Variants in TFAP2C observed in about 807,000 individuals in gnomAD.
TFAP2C encodes the protein activating enhancer-binding protein 2 gamma.
TFAP2C carries 9 observed loss-of-function variants against 42.9 expected under a neutral mutation model. That is an observed-to-expected ratio of 0.21 (90% CI 0.13 to 0.37). The LOEUF (loss-of-function observed/expected upper bound fraction) is 0.37, where lower values mean the gene tolerates loss of function less well. TFAP2C is among the 10% of genes least tolerant of loss of function. The pLI is 1.00. For synonymous variants in TFAP2C, 264 were observed against 256.0 expected (o/e 1.03, Z -0.30); for missense variants, 462 against 591.7 (o/e 0.78, Z 2.27).
intron 5 of TFAP2C, among the ~76,000 whole-genome samples, chr20:56,634,867 G>A (rs1429844458): frequency 6.6e-6 from 1 of 152,184 alleles, no homozygotes. Context: ...TTTCTTGAAT[G>A]GGGGGCCCCT....
Position 56,631,650 on chromosome 20 carries a change from TG to T in TFAP2C, c.498del (p.Leu167SerfsTer34). 1 of 1,583,348 alleles carries T rather than the reference TG, an allele frequency of 6.3e-7. No homozygotes were observed. ...ALDAAGLAEN[L>X]GLHDMPHQMD... is the part of the protein sequence containing the mutation. ...GATGCCGCGGGCCTGGCCGAGAACC[TG>T]GGGCTCCACGACATGCCTCACCAGA... On this transcript the variant is annotated frameshift_variant, in exon 2 of 7. Coordinates refer to ENST00000201031, the MANE Select transcript of TFAP2C (RefSeq NM_003222.4). LOFTEE classifies it high-confidence loss of function. The surrounding 1 kb of genome is among the most constrained non-coding windows in gnomAD (Gnocchi z 6.1).
chr20:56,631,796 C>T lies in TFAP2C; in HGVS notation c.535-9C>T. The T allele has an allele frequency of 6.2e-7, 1 of 1,614,186 alleles. No individual in the cohort carries two copies. The highest frequency in any genetic ancestry group is 2.2e-5 in the East Asian group (1 of 44,880). The stretch of plus-strand genomic sequence containing the variant: ...CGAACTTAAGGGAATTTTGTCCTCT[C>T]TCCCCCAGAATGTCGACGACCAGCA... On this transcript the variant is annotated splice_polypyrimidine_tract_variant and intron_variant, in intron 2 of 6. Transcript: ENST00000201031. This position sits in a 1 kb window ranked among gnomAD's most constrained non-coding sequence, Gnocchi z 6.1.
chr20:56,635,410 A>AG (rs1174744492), intron 5 of TFAP2C, among the ~76,000 whole-genome samples: 2 of 152,138 alleles, frequency 1.3e-5, no homozygotes, highest in Non-Finnish European at 2.9e-5. Flanking sequence ...CTTGGGTGGG[A>AG]GAAACTCTCT....
Position 56,631,741 on chromosome 20 carries a change from G to A in TFAP2C, c.534+51G>A. ...GGACCTGTTCACCCTACGGCCTTCT[G>A]CCCCCACCCCGCACTCCTCTAGGCT... On this transcript the variant is annotated intron_variant, in intron 2 of 6. Transcript: ENST00000201031. The surrounding 1 kb of genome is among the most constrained non-coding windows in gnomAD (Gnocchi z 6.1). The A allele has an allele frequency of 6.2e-7, 1 of 1,612,346 alleles. No individual in the cohort carries two copies. Among genetic ancestry groups the A allele is most frequent in the Non-Finnish European group, 8.5e-7 (1 of 1,179,522 alleles).
rs1480362382 is a variant in TFAP2C at position 56,630,302 on chromosome 20, C to T, written c.48+710C>T. 2 of 384,438 alleles carry T rather than the reference C, an allele frequency of 5.2e-6. No individual in the cohort carries two copies. Among genetic ancestry groups the T allele is most frequent in the African/African-American group, 2.2e-5 (1 of 46,208 alleles). 23.8% of individuals were successfully genotyped at this position (384,438 alleles called of 1,614,324 possible). On this transcript the variant is annotated intron_variant, in intron 1 of 6. Transcript: ENST00000201031. The surrounding 1 kb of genome is among the most constrained non-coding windows in gnomAD (Gnocchi z 5.1). ...CGCGGGAGTTCACTGCGCCTCCGGGCCCTGGAGGGCTGCCCCTGCCCGCAG... is the reference window on the plus strand; with the variant it reads ...CGCGGGAGTTCACTGCGCCTCCGGGTCCTGGAGGGCTGCCCCTGCCCGCAG...
Position 56,630,278 on chromosome 20 carries a change from G to A in TFAP2C, c.48+686G>A, listed in dbSNP as rs1987461869. ...AGCGCGGAGCTCGGGCTACGGACTCGCGGGAGTTCACTGCGCCTCCGGGCC... is the reference window on the plus strand; with the variant it reads ...AGCGCGGAGCTCGGGCTACGGACTCACGGGAGTTCACTGCGCCTCCGGGCC... On this transcript the variant is annotated intron_variant, in intron 1 of 6. Transcript: ENST00000201031. This position sits in a 1 kb window ranked among gnomAD's most constrained non-coding sequence, Gnocchi z 5.1. 8.8e-6 allele frequency: 3 copies of A among 341,908 alleles called. No homozygotes were observed. Among genetic ancestry groups the A allele is most frequent in the African/African-American group, 6.6e-5 (3 of 45,322 alleles). The allele number at this position is 341,908 out of a possible 1,614,324, so 21.2% of individuals were successfully genotyped here. A position where few individuals can be genotyped will look rare whatever the true frequency, so the allele number is the denominator to read the frequency against.
rs1025236204 is a variant in TFAP2C, at chr20:56,636,748, C to T, written c.1061C>T (p.Ala354Val). Reference sequence around the variant, plus strand: ...GCAGCTAGGAAGAACATGCTATTGGCGGCCCAGTAAGTATCTGAACTTGAA... The same window carrying T: ...GCAGCTAGGAAGAACATGCTATTGGTGGCCCAGTAAGTATCTGAACTTGAA... ...EMAARKNMLL[A>V]AQQLCKEFTE... The change falls in exon 6 of 7, where the codon GCG (alanine) becomes GTG (valine). Residue 354 changes from alanine to valine, a missense_variant. This residue lies in a region of TFAP2C where 130 missense variants were observed against 160.8 expected (regional missense o/e 0.81). Transcript: ENST00000201031. 41 of 1,612,026 alleles carry T rather than the reference C, an allele frequency of 2.5e-5. No homozygotes were observed. The highest frequency in any genetic ancestry group is 1.9e-4 in the African/African-American group (14 of 74,816).
At position 56,633,473 on chromosome 20, in the gene TFAP2C, C is replaced by A; in HGVS notation, c.707C>A (p.Ser236Tyr). ...CCTGGAAGATTGTCGCTCCTCAGCTCTACGTCTAAATACAAAGTGACAGTG... is the reference window on the plus strand; with the variant it reads ...CCTGGAAGATTGTCGCTCCTCAGCTATACGTCTAAATACAAAGTGACAGTG... The part of the protein sequence containing the change: ...SVPGRLSLLS[S>Y]TSKYKVTVAE... Residue 236 changes from serine (S) to tyrosine (Y), a missense_variant, in exon 4 of 7, where the codon TCT (serine) becomes TAT (tyrosine). By Grantham distance (144) the Ser-to-Tyr change is moderately radical. Transcript: ENST00000201031. 6.2e-7 allele frequency: 1 copy of A among 1,614,120 alleles called. No homozygotes were observed. The highest frequency in any genetic ancestry group is 8.5e-7 in the Non-Finnish European group (1 of 1,180,012).
rs1330413854 is a variant in TFAP2C, at chr20:56,630,760, C to T, written c.49-445C>T. The T allele has an allele frequency of 1.0e-6, 1 of 985,356 alleles. No individual in the cohort carries two copies. Among genetic ancestry groups the T allele is most frequent in the Non-Finnish European group, 1.2e-6 (1 of 829,908 alleles). 61.0% of individuals were successfully genotyped at this position (985,356 alleles called of 1,614,324 possible). A position where few individuals can be genotyped will look rare whatever the true frequency, so the allele number is the denominator to read the frequency against. On this transcript the variant is annotated intron_variant, in intron 1 of 6. Transcript: ENST00000201031. This position sits in a 1 kb window ranked among gnomAD's most constrained non-coding sequence, Gnocchi z 5.1. ...GCGCCGCGCACTCTATCCGCGCCTG[C>T]CGCGCTGCCACCTCCAGCAGTCCCT...
In TFAP2C at chr20:56,637,759, A is replaced by G. The variant is rs200833204; in HGVS notation, c.1099A>G (p.Ser367Gly). 1 of 1,614,240 alleles carries G rather than the reference A, an allele frequency of 6.2e-7. No individual in the cohort carries two copies. The highest frequency in any genetic ancestry group is 2.2e-5 in the East Asian group (1 of 44,878). ...GTGTAAAGAATTCACAGAACTTCTC[A>G]GCCAAGACCGGACACCCCATGGGAC... ...QLCKEFTELL[S>G]QDRTPHGTSR... is the part of the protein sequence containing the mutation. Residue 367 changes from serine to glycine, a missense_variant, in exon 7 of 7, where the codon AGC (serine) becomes GGC (glycine). Physicochemically the swap from Ser to Gly is moderately conservative, Grantham distance 56 (BLOSUM62 0). Coordinates refer to ENST00000201031, the MANE Select transcript of TFAP2C (RefSeq NM_003222.4).
At position 56,633,550 on chromosome 20, in the gene TFAP2C, C is replaced by G; in HGVS notation, c.784C>G (p.Leu262Val). The G allele has an allele frequency of 6.2e-7, 1 of 1,614,080 alleles. No homozygotes were observed. The highest frequency in any genetic ancestry group is 8.5e-7 in the Non-Finnish European group (1 of 1,179,950). Residue 262 changes from leucine (L) to valine (V), a missense_variant, in exon 4 of 7, where the codon CTG (leucine) becomes GTG (valine). Physicochemically the swap from Leu to Val is conservative, Grantham distance 32 (BLOSUM62 1). Around this residue, in one of 5 missense-constraint regions of TFAP2C, gnomAD observed 40 missense variants for 106.8 expected, o/e 0.37. Coordinates refer to ENST00000201031, the MANE Select transcript of TFAP2C (RefSeq NM_003222.4). ...ACCTGAATGCTTAAATGCCTCGTTA[C>G]TGGGAGGTGTTCTCAGAAGGTACTT... ...SPPECLNASL[L>V]GGVLRRAKSK...
chr20:56,631,421 C>A lies in TFAP2C; in HGVS notation c.265C>A (p.Pro89Thr). ...LGEAYAAAIN[P>T]LHQPAPTGSQ... ...GGAAGCGTACGCCGCCGCCATCAAC[C>A]CCCTGCACCAGCCGGCGCCCACAGG... The change falls in exon 2 of 7, where the codon CCC (proline) becomes ACC (threonine). Residue 89 changes from proline (P) to threonine (T), a missense_variant. Coordinates refer to ENST00000201031, the MANE Select transcript of TFAP2C (RefSeq NM_003222.4). This position sits in a 1 kb window ranked among gnomAD's most constrained non-coding sequence, Gnocchi z 6.1. 2 of 1,597,908 alleles carry A rather than the reference C, an allele frequency of 1.3e-6. No individual in the cohort carries two copies. Among genetic ancestry groups the A allele is most frequent in the Non-Finnish European group, 1.7e-6 (2 of 1,173,704 alleles).
Position 56,633,534 on chromosome 20 carries a change from C to T in TFAP2C, c.768C>T (p.Cys256=). The T allele has an allele frequency of 1.9e-6, 3 of 1,614,182 alleles. No homozygotes were observed. Among genetic ancestry groups the T allele is most frequent in the Middle Eastern group, 3.3e-4 (2 of 6,062 alleles). Residue 256 remains cysteine (C), a synonymous_variant, in exon 4 of 7, where the codon TGC becomes TGT. Transcript: ENST00000201031. ...AGAGGCGACTGTCCCCACCTGAATGCTTAAATGCCTCGTTACTGGGAGGTG... is the reference window on the plus strand; with the variant it reads ...AGAGGCGACTGTCCCCACCTGAATGTTTAAATGCCTCGTTACTGGGAGGTG... ...EVQRRLSPPE[C]LNASLLGGVL...
Position 56,631,353 on chromosome 20 carries a change from A to G in TFAP2C, c.197A>G (p.Gln66Arg), listed in dbSNP as rs1385159889. 5.6e-6 allele frequency: 9 copies of G among 1,611,726 alleles called. No individual in the cohort carries two copies. The highest frequency in any genetic ancestry group is 1.7e-5 in the Admixed American group (1 of 59,776). Reference protein sequence around the residue: ...PPPYFPPPYQQLAYSQSADPY... With the variant: ...PPPYFPPPYQRLAYSQSADPY... ...CCCTACTTTCCCCCTCCCTACCAGC[A>G]GCTGGCCTACTCCCAGTCGGCCGAC... Residue 66 changes from glutamine (Q) to arginine (R), a missense_variant, in exon 2 of 7, where the codon CAG becomes CGG. Transcript: ENST00000201031. The surrounding 1 kb of genome is among the most constrained non-coding windows in gnomAD (Gnocchi z 6.1).
At position 56,630,460 on chromosome 20, in the gene TFAP2C, G is replaced by A. The variant is rs1987466453; in HGVS notation, c.49-745G>A. 1.0e-5 allele frequency: 4 copies of A among 381,512 alleles called. No individual in the cohort carries two copies. The highest frequency in any genetic ancestry group is 2.2e-5 in the Non-Finnish European group (4 of 184,738). 23.6% of individuals were successfully genotyped at this position (381,512 alleles called of 1,614,324 possible). On this transcript the variant is annotated intron_variant, in intron 1 of 6. Coordinates refer to ENST00000201031, the MANE Select transcript of TFAP2C (RefSeq NM_003222.4). This position sits in a 1 kb window ranked among gnomAD's most constrained non-coding sequence, Gnocchi z 5.1. ...CGCCCAGGGGCGAGGGAACGTGCGC[G>A]GGCAAGGCTGCCCAATTTCCAGGGT... is the stretch of plus-strand genomic sequence containing the variant.
chr20:56,631,378 C>G lies in TFAP2C; in HGVS notation c.222C>G (p.Asp74Glu). ...YQQLAYSQSADPYSHLGEAYA... is the reference protein window; with the variant it reads ...YQQLAYSQSAEPYSHLGEAYA... Reference sequence around the variant, plus strand: ...AGCTGGCCTACTCCCAGTCGGCCGACCCCTACTCGCATCTGGGGGAAGCGT... The same window carrying G: ...AGCTGGCCTACTCCCAGTCGGCCGAGCCCTACTCGCATCTGGGGGAAGCGT... Residue 74 changes from aspartate (D) to glutamate (E), a missense_variant, in exon 2 of 7, where the codon GAC becomes GAG. This residue lies in a region of TFAP2C where 271 missense variants were observed against 269.7 expected (regional missense o/e 1.00). Coordinates refer to ENST00000201031, the MANE Select transcript of TFAP2C (RefSeq NM_003222.4). This position sits in a 1 kb window ranked among gnomAD's most constrained non-coding sequence, Gnocchi z 6.1. 1 of 1,611,450 alleles carries G rather than the reference C, an allele frequency of 6.2e-7. No individual in the cohort carries two copies. Among genetic ancestry groups the G allele is most frequent in the Non-Finnish European group, 8.5e-7 (1 of 1,179,234 alleles).
Position 56,631,915 on chromosome 20 carries a change from A to T in TFAP2C, c.586+59A>T. ...CACACGATCTGGGCTTGTGAAGTTG[A>T]CTGGCAAGGTTGGGGGTATTTGGTG... On this transcript the variant is annotated intron_variant, in intron 3 of 6. Transcript: ENST00000201031. This position sits in a 1 kb window ranked among gnomAD's most constrained non-coding sequence, Gnocchi z 6.1. 1 of 1,598,806 alleles carries T rather than the reference A, an allele frequency of 6.3e-7. No homozygotes were observed. Among genetic ancestry groups the T allele is most frequent in the South Asian group, 1.1e-5 (1 of 90,604 alleles).
Position 56,631,063 on chromosome 20 carries a change from T to C in TFAP2C, c.49-142T>C, listed in dbSNP as rs1987479060. On this transcript the variant is annotated intron_variant, in intron 1 of 6. Coordinates refer to ENST00000201031, the MANE Select transcript of TFAP2C (RefSeq NM_003222.4). This position sits in a 1 kb window ranked among gnomAD's most constrained non-coding sequence, Gnocchi z 6.1. ...ATCCTCGGGGCGCATTGCCCCCGGG[T>C]ACCTTCCGACCCTGGGCAAGCCCCG... 2 of 1,426,536 alleles carry C rather than the reference T, an allele frequency of 1.4e-6. No individual in the cohort carries two copies. The highest frequency in any genetic ancestry group is 3.2e-5 in the South Asian group (2 of 62,586). The allele number at this position is 1,426,536 out of a possible 1,614,324, so 88.4% of individuals were successfully genotyped here.
chr20:56,629,514 C>T lies in TFAP2C; in HGVS notation c.-31C>T. ...GGGGCTGGGGGGATCCTGGATTTAA[C>T]TGGCGACTGTTTTGGGGGACGCCGG... On this transcript the variant is annotated 5_prime_UTR_variant, in exon 1 of 7. Transcript: ENST00000201031. This position sits in a 1 kb window ranked among gnomAD's most constrained non-coding sequence, Gnocchi z 5.9. The T allele has an allele frequency of 7.1e-7, 1 of 1,398,652 alleles. No homozygotes were observed. 86.6% of individuals were successfully genotyped at this position (1,398,652 alleles called of 1,614,324 possible).
Sources: gnomAD v4.1 joint callset for allele counts (sites outside exome capture counted in the v4.1 genomes callset) on GRCh38, gnomAD v4.1.1 for gene constraint, gnomAD v4.1.1 regional missense constraint, Gnocchi (gnomAD v3.1) non-coding constraint, MANE v1.5 for transcripts, NCBI Gene and HGNC (gene_info 2026-07-23, HGNC 2026-07-21) for gene names.